The following CSMD1 variants were observed in gnomAD, a reference collection of about 807,000 sequenced individuals.
CSMD1 encodes the protein CUB and sushi domain-containing protein 1.
Under a neutral mutation model 417.5 loss-of-function variants are expected in CSMD1, and 213 were observed. That is an observed-to-expected ratio of 0.51 (90% CI 0.46 to 0.57). CSMD1 has a LOEUF of 0.57. Among genes scored for constraint, CSMD1 ranks in the 20% least tolerant of loss-of-function variants. The pLI is 0.00. For synonymous variants in CSMD1, 2,862 were observed against 1,736.8 expected (o/e 1.65, Z -16.11); for missense variants, 6,923 against 4,529.7 (o/e 1.53, Z -15.17).
intron 12 of CSMD1, among the ~76,000 whole-genome samples, chr8:3,433,583 C>T (rs796297308): frequency 2.0e-4 from 31 of 152,254 alleles, no homozygotes; most frequent in African/African-American, 6.5e-4. Context: ...GCCATGCACA[C>T]GTGCCACACT....
chr8:4,951,674 T>G (rs1320954930), intron 1 of CSMD1, among the ~76,000 whole-genome samples: 2 of 151,746 alleles, frequency 1.3e-5, no homozygotes, highest in Non-Finnish European at 2.9e-5. Flanking sequence ...CTACTTTTAG[T>G]AAAAAATGAG....
intron 9 of CSMD1, among the ~76,000 whole-genome samples, chr8:3,581,114 T>C (rs1800364567): frequency 6.6e-6 from 1 of 152,142 alleles, no homozygotes; most frequent in Non-Finnish European, 1.5e-5. Context: ...TGCATTAGCA[T>C]TAAAGAAGTT....
intron 12 of CSMD1, among the ~76,000 whole-genome samples, chr8:3,413,862 G>C (rs1812964616): frequency 6.6e-6 from 1 of 152,146 alleles, no homozygotes; most frequent in East Asian, 1.9e-4. Context: ...ACTACAGCCA[G>C]ATGCGGTAGC....
chr8:3,292,779 C>T (rs181508012), intron 25 of CSMD1, among the ~76,000 whole-genome samples: 1,955 of 152,254 alleles, frequency 0.013, 21 homozygotes, highest in Non-Finnish European at 0.017. Context: ...ACTTTTTATG[C>T]AATTTGCCAG....
At chr8:3,430,978 C>T (rs1585154292) in intron 12 of CSMD1, among the ~76,000 whole-genome samples, 1 of 152,248 alleles carries the variant, frequency 6.6e-6, no homozygotes, top group East Asian at 1.9e-4. Flanking sequence ...TTTCTCACTG[C>T]ATTGTCTGAG....
intron 10 of CSMD1, among the ~76,000 whole-genome samples, chr8:3,541,392 G>T (rs969293219): frequency 6.6e-6 from 1 of 152,124 alleles, no homozygotes; most frequent in Non-Finnish European, 1.5e-5. Context: ...GCTGGGGAGG[G>T]AGAGCATCAG....
At chr8:4,559,882 G>C (rs1038395758) in intron 2 of CSMD1, among the ~76,000 whole-genome samples, 1 of 152,136 alleles carries the variant, frequency 6.6e-6, no homozygotes, top group Non-Finnish European at 1.5e-5. Flanking sequence ...AAACGTTCTA[G>C]AGCCTCTTTG....
intron 1 of CSMD1, among the ~76,000 whole-genome samples, chr8:4,699,909 A>T (rs537469225): frequency 6.6e-6 from 1 of 152,336 alleles, no homozygotes; most frequent in Non-Finnish European, 1.5e-5. Flanking sequence ...CCTTTGGAAG[A>T]TTAAAATCCC....
chr8:4,594,963 T>C (rs1296158406), intron 2 of CSMD1, among the ~76,000 whole-genome samples: 1 of 152,226 alleles, frequency 6.6e-6, no homozygotes, highest in Admixed American at 6.5e-5. Flanking sequence ...ATGTTTTTCA[T>C]ACTTGATGCC....
intron 1 of CSMD1, among the ~76,000 whole-genome samples, chr8:4,830,825 G>A (rs556299086): frequency 6.6e-6 from 1 of 152,158 alleles, no homozygotes. Flanking sequence ...AATGAGCAGG[G>A]AAAGAAAGAG....
chr8:4,336,355 G>C (rs1330522395), intron 3 of CSMD1, among the ~76,000 whole-genome samples: 1 of 152,044 alleles, frequency 6.6e-6, no homozygotes. Flanking sequence ...GGAGCAACTG[G>C]GTCATTAACA....
At chr8:4,948,077 C>T (rs1479354607) in intron 1 of CSMD1, among the ~76,000 whole-genome samples, 1 of 146,434 alleles carries the variant, frequency 6.8e-6, no homozygotes, top group Non-Finnish European at 1.5e-5. Context: ...ATTTCAAGAA[C>T]ATTAATTTTT....
intron 7 of CSMD1, among the ~76,000 whole-genome samples, chr8:3,691,071 A>G (rs202033626): frequency 6.6e-6 from 1 of 152,024 alleles, no homozygotes; most frequent in Non-Finnish European, 1.5e-5. Context: ...TCCTCTAGCA[A>G]AACTGTATCA....
At chr8:4,809,377 T>A (rs1798772297) in intron 1 of CSMD1, among the ~76,000 whole-genome samples, 1 of 152,216 alleles carries the variant, frequency 6.6e-6, no homozygotes, top group Non-Finnish European at 1.5e-5. Flanking sequence ...AAATCTCCCA[T>A]CTGATACTCA....
intron 3 of CSMD1, among the ~76,000 whole-genome samples, chr8:4,080,384 T>C (rs1265921955): frequency 1.3e-5 from 2 of 152,214 alleles, no homozygotes; most frequent in African/African-American, 2.4e-5. Flanking sequence ...ATCAGAATTC[T>C]ACATATTGAA....
intron 3 of CSMD1, among the ~76,000 whole-genome samples, chr8:4,187,120 G>A (rs1399133204): frequency 6.6e-6 from 1 of 150,588 alleles, no homozygotes; most frequent in Non-Finnish European, 1.5e-5. Flanking sequence ...ATTTCACCAA[G>A]TCTCCACTCT....
intron 3 of CSMD1, among the ~76,000 whole-genome samples, chr8:4,263,123 T>A (rs1277177507): frequency 6.6e-6 from 1 of 152,178 alleles, no homozygotes; most frequent in Non-Finnish European, 1.5e-5. Context: ...TTGTGGGTGA[T>A]ATCACTTATT....
chr8:4,456,181 A>G (rs1342992582), intron 2 of CSMD1, among the ~76,000 whole-genome samples: 1 of 151,974 alleles, frequency 6.6e-6, no homozygotes, highest in Non-Finnish European at 1.5e-5. Context: ...AAAAAGCATG[A>G]CACAAACTTT....
rs899471611 is a variant in CSMD1, at chr8:4,884,319, G to A, written c.85+110013C>T. ...ATTCGCCCAATTTATCTCCCATTCT[G>A]TGGGTTATCTTTGTGTTTTCCTGAT... On this transcript the variant is annotated intron_variant, in intron 1 of 69. Transcript: ENST00000635120. Among the ~76,000 whole-genome samples, 5 of 151,926 alleles carry A rather than the reference G, an allele frequency of 3.3e-5. No homozygotes were observed. In the East Asian group the frequency reaches 7.7e-4, roughly 23 times the overall value.
Sources: allele counts gnomAD v4.1 joint callset (sites outside exome capture counted in the v4.1 genomes callset), GRCh38; gene constraint gnomAD v4.1.1; transcripts MANE v1.5; gene names NCBI Gene and HGNC (gene_info 2026-07-23, HGNC 2026-07-21).